Variants in SUPT20H observed in about 807,000 individuals in gnomAD.
SUPT20H encodes transcription factor SPT20 homolog.
In SUPT20H, 82 loss-of-function variants were observed where a neutral mutation model predicts 122.8. That is an observed-to-expected ratio of 0.67 (90% CI 0.56 to 0.80). SUPT20H has a LOEUF of 0.80. Among genes scored for constraint, SUPT20H ranks in the 30% least tolerant of loss-of-function variants. The probability of loss-of-function intolerance (pLI) is 0.00; values close to 1 mark genes in which losing one functional copy is unlikely to be tolerated. For synonymous variants in SUPT20H, 291 were observed against 313.0 expected, an observed-to-expected ratio of 0.93 and a Z score of 0.74; for missense variants, 831 against 921.6, an observed-to-expected ratio of 0.90 and a Z score of 1.27.
intron 2 of SUPT20H, among the ~76,000 whole-genome samples, chr13:37,050,213 A>C (rs2067362019): frequency 6.6e-6 from 1 of 151,994 alleles, no homozygotes; most frequent in Non-Finnish European, 1.5e-5. Context: ...ATAAATCTAC[A>C]CTAATTTGCT....
chr13:37,048,673 C>G, intron 2 of SUPT20H, 74 bp from the exon 3 acceptor site: 3 of 1,302,268 alleles, frequency 2.3e-6, no homozygotes, highest in Middle Eastern at 2.2e-4. Flanking sequence ...TTTAACATTT[C>G]TAATGTTTTC....
chr13:37,035,411 T>C (rs945641140), intron 9 of SUPT20H, among the ~76,000 whole-genome samples: 1 of 152,082 alleles, frequency 6.6e-6, no homozygotes, highest in South Asian at 2.1e-4. Flanking sequence ...GATGTGGTGA[T>C]AGCAAGAGAA....
chr13:37,020,243 T>C (rs1000558691), intron 21 of SUPT20H, among the ~76,000 whole-genome samples: 1 of 152,114 alleles, frequency 6.6e-6, no homozygotes, highest in Non-Finnish European at 1.5e-5. Flanking sequence ...GAAATGCACA[T>C]GTAACACTAG....
In SUPT20H at chr13:37,022,077, G is replaced by A; in HGVS notation, c.1595C>T (p.Thr532Ile). ...ALSPASSSQR[T>I]TATQVMANSA... ...GTTTGCCATGACCTGGGTGGCCGTG[G>A]TTCCTGGAGTTATAGATGTTACCAT... Residue 532 changes from threonine to isoleucine, a missense_variant, in exon 20 of 26, where the codon ACC becomes ATC. Coordinates refer to ENST00000350612, the MANE Select transcript of SUPT20H (RefSeq NM_001014286.3). The surrounding 1 kb of genome is among the most constrained non-coding windows in gnomAD (Gnocchi z 4.5). 1 of 1,614,058 alleles carries A rather than the reference G, an allele frequency of 6.2e-7. No homozygotes were observed. Among genetic ancestry groups the A allele is most frequent in the Non-Finnish European group, 8.5e-7 (1 of 1,179,956 alleles).
intron 21 of SUPT20H, among the ~76,000 whole-genome samples, chr13:37,020,373 G>A (rs940133023): frequency 2.6e-5 from 4 of 152,168 alleles, no homozygotes; most frequent in Non-Finnish European, 5.9e-5. Flanking sequence ...ATGCTTTCTA[G>A]CTTACCAAAG....
intron 7 of SUPT20H, 46 bp from the exon 8 acceptor site, chr13:37,040,738 C>G: frequency 6.8e-7 from 1 of 1,462,070 alleles, no homozygotes. Flanking sequence ...TTCCAAAAGC[C>G]TAAATAAGTG....
At chr13:37,021,363 C>A in intron 21 of SUPT20H, 85 bp downstream of exon 21, 2 of 1,319,824 alleles carry the variant, frequency 1.5e-6, no homozygotes, top group South Asian at 1.7e-5. Flanking sequence ...ACATTAAATG[C>A]CTTTAGCATT....
At chr13:37,021,884 T>A in intron 20 of SUPT20H, 127 bp downstream of exon 20, 2 of 1,149,222 alleles carry the variant, frequency 1.7e-6, no homozygotes, top group Non-Finnish European at 2.4e-6. Flanking sequence ...CTTCTGTCCA[T>A]ATCTAAACTA....
At chr13:37,012,149 T>C (rs780714821) in intron 24 of SUPT20H, 43 bp downstream of exon 24, 2 of 1,446,908 alleles carry the variant, frequency 1.4e-6, no homozygotes, top group Non-Finnish European at 1.9e-6. Flanking sequence ...ATAGATTAGA[T>C]ATGTTTAGTA....
At chr13:37,041,368 A>G (rs1450651989) in intron 7 of SUPT20H, among the ~76,000 whole-genome samples, 1 of 152,056 alleles carries the variant, frequency 6.6e-6, no homozygotes, top group Non-Finnish European at 1.5e-5. Flanking sequence ...ATACAAAAAA[A>G]TTAGCTGGGT....
intron 9 of SUPT20H, 139 bp from the exon 10 acceptor site, chr13:37,033,727 T>C (rs1423503163): frequency 4.2e-5 from 39 of 932,098 alleles, no homozygotes; most frequent in Non-Finnish European, 5.4e-5. Flanking sequence ...GTTCCAATGT[T>C]AGTGTGCATG....
At chr13:37,040,518 G>T in intron 8 of SUPT20H, 58 bp downstream of exon 8, 1 of 1,587,036 alleles carries the variant, frequency 6.3e-7, no homozygotes, top group South Asian at 1.1e-5. Flanking sequence ...TGAAGAATTC[G>T]ATAAATAAAA....
chr13:37,016,317 C>A (rs2060482411), intron 23 of SUPT20H, among the ~76,000 whole-genome samples: 1 of 151,868 alleles, frequency 6.6e-6, no homozygotes, highest in African/African-American at 2.4e-5. Flanking sequence ...GTAGCGACAG[C>A]TACTCGGGAG....
intron 13 of SUPT20H, among the ~76,000 whole-genome samples, chr13:37,029,428 C>G (rs2062905630): frequency 6.6e-6 from 1 of 152,060 alleles, no homozygotes; most frequent in African/African-American, 2.4e-5. Context: ...ACTCAGGAGG[C>G]TGAGGCAGGA....
chr13:37,032,035 T>C (rs1388779184), intron 10 of SUPT20H, 140 bp from the exon 11 acceptor site: 3 of 608,538 alleles, frequency 4.9e-6, no homozygotes, highest in Admixed American at 4.0e-5. Context: ...TCCTAGGAAC[T>C]AGGACTAGGT....
Position 37,040,599 on chromosome 13 carries a change from T to G in SUPT20H, c.490A>C (p.Ile164Leu). ...MKSPGYQSRH[I>L]LLRPTMQTLI... is the part of the protein sequence containing the mutation. Reference sequence around the variant, plus strand: ...ACCTGCATTGTTGGACGTAAGAGAATGTGCCGACTTTGGTAACCAGGAGAT... The same window carrying G: ...ACCTGCATTGTTGGACGTAAGAGAAGGTGCCGACTTTGGTAACCAGGAGAT... The change falls in exon 8 of 26, where the codon ATT becomes CTT. Residue 164 changes from isoleucine to leucine, a missense_variant. By Grantham distance (5) the Ile-to-Leu change is conservative. Coordinates refer to ENST00000350612, the MANE Select transcript of SUPT20H (RefSeq NM_001014286.3). 1 of 1,614,138 alleles carries G rather than the reference T, an allele frequency of 6.2e-7. No individual in the cohort carries two copies. Among genetic ancestry groups the G allele is most frequent in the Non-Finnish European group, 8.5e-7 (1 of 1,179,996 alleles).
rs1288175947 is a variant in SUPT20H at position 37,051,044 on chromosome 13, A to C, written c.3+444T>G. On this transcript the variant is annotated intron_variant, in intron 2 of 25. Coordinates refer to ENST00000350612, the MANE Select transcript of SUPT20H (RefSeq NM_001014286.3). The stretch of plus-strand genomic sequence containing the variant: ...AGTGACTGTAAGTCAGTGAACAGAA[A>C]TGTGCCATTAGAAGATTAGCACTGA... Among the ~76,000 whole-genome samples the C allele has an allele frequency of 9.4e-4, 143 of 152,340 alleles. 1 individual carries two copies. The highest frequency in any genetic ancestry group is 1.6e-4 in the Non-Finnish European group (11 of 68,020).
chr13:37,049,985 T>A (rs1297305189), intron 2 of SUPT20H, among the ~76,000 whole-genome samples: 1 of 152,062 alleles, frequency 6.6e-6, no homozygotes, highest in Non-Finnish European at 1.5e-5. Flanking sequence ...CCCACCAAAG[T>A]CCCAGGAGGG....
intron 7 of SUPT20H, among the ~76,000 whole-genome samples, chr13:37,043,070 T>G (rs963831931): frequency 2.6e-5 from 4 of 152,048 alleles, no homozygotes; most frequent in African/African-American, 9.7e-5. Flanking sequence ...ATGCTCAACC[T>G]GTAACACAGT....
Sources: allele counts gnomAD v4.1 joint callset (sites outside exome capture counted in the v4.1 genomes callset), GRCh38; gene constraint gnomAD v4.1.1; non-coding constraint Gnocchi (gnomAD v3.1); transcripts MANE v1.5; gene names NCBI Gene and HGNC (gene_info 2026-07-23, HGNC 2026-07-21).